Variants in RAB1B observed in about 807,000 individuals in gnomAD.
RAB1B encodes the protein ras-related protein Rab-1B.
In RAB1B, 10 loss-of-function variants were observed where a neutral mutation model predicts 24.8. That is an observed-to-expected ratio of 0.40 (90% CI 0.25 to 0.68). The LOEUF (loss-of-function observed/expected upper bound fraction) is 0.68, where lower values mean the gene tolerates loss of function less well. Among genes scored for constraint, RAB1B ranks in the 30% least tolerant of loss-of-function variants. RAB1B has a pLI of 0.37. For synonymous variants in RAB1B, 99 were observed against 111.7 expected, an observed-to-expected ratio of 0.89 and a Z score of 0.72; for missense variants, 154 against 271.2, an observed-to-expected ratio of 0.57 and a Z score of 3.04.
chr11:66,269,976 G>A (rs1473233502), intron 1 of RAB1B: 2 of 152,072 alleles, frequency 1.3e-5, no homozygotes, highest in Non-Finnish European at 2.9e-5. Flanking sequence ...TTGGGCTGAA[G>A]CAGTCCTCCT....
chr11:66,273,471 C>T (rs1368682757), intron 4 of RAB1B, among the ~76,000 whole-genome samples: 2 of 152,228 alleles, frequency 1.3e-5, no homozygotes, highest in Admixed American at 1.3e-4. Flanking sequence ...TGGACCATCC[C>T]CCGCTCCTCA....
At chr11:66,271,662 C>A (rs1337006185) in intron 1 of RAB1B, 135 bp from the exon 2 acceptor site, 2 of 629,778 alleles carry the variant, frequency 3.2e-6, no homozygotes, top group Admixed American at 5.0e-5. Context: ...CAGAGTGAGA[C>A]CTTATTGCTA....
Position 66,272,099 on chromosome 11 carries a change from C to T in RAB1B, c.88-58C>T, listed in dbSNP as rs1297219182. The T allele has an allele frequency of 4.6e-6, 6 of 1,303,718 alleles. No homozygotes were observed. The East Asian group carries it at 6.9e-5, about 15-fold the overall frequency. The allele number at this position is 1,303,718 out of a possible 1,614,324, so 80.8% of individuals were successfully genotyped here. On this transcript the variant is annotated intron_variant, in intron 2 of 5. Coordinates refer to ENST00000311481, the MANE Select transcript of RAB1B (RefSeq NM_030981.3). ...TGGGGCAGGGAACTGGAGGGAGGCT[C>T]TCCAAGTGGGCCTCACCTCATTAAC...
chr11:66,276,343 T>A lies in RAB1B; in HGVS notation c.*105T>A. The A allele has an allele frequency of 8.5e-7, 1 of 1,179,290 alleles. No individual in the cohort carries two copies. The highest frequency in any genetic ancestry group is 1.2e-6 in the Non-Finnish European group (1 of 867,488). 73.1% of individuals were successfully genotyped at this position (1,179,290 alleles called of 1,614,324 possible). On this transcript the variant is annotated 3_prime_UTR_variant, in exon 6 of 6. Coordinates refer to ENST00000311481, the MANE Select transcript of RAB1B (RefSeq NM_030981.3). ...CCCTCTCCTGGGGCATTTGAGTCTG[T>A]GGCTTTGGGGTGTCCTGGGCTCCCC...
intron 1 of RAB1B, among the ~76,000 whole-genome samples, chr11:66,269,038 C>T (rs1857002884): frequency 6.6e-6 from 1 of 152,058 alleles, no homozygotes; most frequent in African/African-American, 2.4e-5. Context: ...TGACAACTGT[C>T]CCGGAGTTTT....
intron 4 of RAB1B, among the ~76,000 whole-genome samples, chr11:66,272,753 G>A (rs1857081749): frequency 6.6e-6 from 1 of 152,108 alleles, no homozygotes; most frequent in Non-Finnish European, 1.5e-5. Flanking sequence ...CCTTATTGTA[G>A]ACCTTCTGGG....
chr11:66,268,766 G>A (rs1434364194), intron 1 of RAB1B, 73 bp downstream of exon 1: 3 of 1,474,970 alleles, frequency 2.0e-6, no homozygotes, highest in Non-Finnish European at 2.7e-6. Flanking sequence ...TACCGGGGTT[G>A]TCTGGCCCGG....
chr11:66,270,237 TTGTTGTTGTTGTTG>T (rs1857033284), intron 1 of RAB1B: 1 of 346 alleles, frequency 2.9e-3, no homozygotes, highest in Non-Finnish European at 7.7e-3. Context: ...CAGGTTTTTG[TTGTTGTTGTTGTTG>T]TTGTTGTTGT....
chr11:66,273,898 A>G (rs1238502163), intron 4 of RAB1B, among the ~76,000 whole-genome samples: 2 of 152,182 alleles, frequency 1.3e-5, no homozygotes, highest in Admixed American at 1.3e-4. Context: ...ACCCTCAAGC[A>G]GCCTCTGCAG....
At position 66,276,406 on chromosome 11, in the gene RAB1B, C is replaced by T. The variant is rs1247763194; in HGVS notation, c.*168C>T. ...CCCATCTGCCTGCTGCCCTGAGCCCCGGTTCTGTCAGGGTCCCTAAGGGAG... is the reference window on the plus strand; with the variant it reads ...CCCATCTGCCTGCTGCCCTGAGCCCTGGTTCTGTCAGGGTCCCTAAGGGAG... On this transcript the variant is annotated 3_prime_UTR_variant, in exon 6 of 6. Transcript: ENST00000311481. 16 of 677,994 alleles carry T rather than the reference C, an allele frequency of 2.4e-5. No individual in the cohort carries two copies. The highest frequency in any genetic ancestry group is 9.2e-5 in the African/African-American group (5 of 54,178). The allele number at this position is 677,994 out of a possible 1,614,324, so 42.0% of individuals were successfully genotyped here.
At chr11:66,270,382 A>G (rs748512176) in intron 1 of RAB1B, 1 of 152,196 alleles carries the variant, frequency 6.6e-6, no homozygotes, top group Non-Finnish European at 1.5e-5. Context: ...GATCGAGACC[A>G]TCCTGGCCAA....
intron 1 of RAB1B, chr11:66,270,000 G>A (rs1485907504): frequency 4.6e-5 from 7 of 151,970 alleles, no homozygotes. Flanking sequence ...TTGTCCTCCT[G>A]AGTAGCTGGG....
chr11:66,274,873 A>G (rs909262905), intron 4 of RAB1B, among the ~76,000 whole-genome samples: 7 of 149,418 alleles, frequency 4.7e-5, no homozygotes, highest in Non-Finnish European at 1.0e-4. Flanking sequence ...GACCTGGCAC[A>G]TGCTGGCTCC....
intron 1 of RAB1B, among the ~76,000 whole-genome samples, chr11:66,269,055 C>T (rs1857003922): frequency 6.6e-6 from 1 of 152,126 alleles, no homozygotes; most frequent in African/African-American, 2.4e-5. Flanking sequence ...TTTTGGAGCC[C>T]GTCTTGATAG....
intron 1 of RAB1B, among the ~76,000 whole-genome samples, 154 bp downstream of exon 1, chr11:66,268,847 C>T (rs1228374708): frequency 2.7e-5 from 3 of 111,282 alleles, no homozygotes; most frequent in Non-Finnish European, 3.7e-5. Context: ...CGGGTTCTGC[C>T]CCTCCCCCCA....
intron 4 of RAB1B, 81 bp from the exon 5 acceptor site, chr11:66,275,723 C>G: frequency 6.8e-7 from 1 of 1,462,792 alleles, no homozygotes; most frequent in Non-Finnish European, 9.2e-7. Context: ...TGTACTGTTC[C>G]CCTCAGAGAA....
intron 1 of RAB1B, chr11:66,271,367 A>C (rs1160803956): frequency 6.3e-6 from 1 of 157,890 alleles, no homozygotes; most frequent in Non-Finnish European, 1.4e-5. Context: ...AGGTGCCTGT[A>C]ATCCCAGCTA....
At chr11:66,274,249 A>T (rs1333135938) in intron 4 of RAB1B, among the ~76,000 whole-genome samples, 1 of 152,118 alleles carries the variant, frequency 6.6e-6, no homozygotes, top group Non-Finnish European at 1.5e-5. Flanking sequence ...CATCTTTCTG[A>T]AATCTGTCCC....
intron 1 of RAB1B, chr11:66,270,568 C>G (rs1195726624): frequency 6.6e-6 from 1 of 152,218 alleles, no homozygotes; most frequent in East Asian, 1.9e-4. Flanking sequence ...GAGAGCGAGA[C>G]TCTGTCTCGA....
Sources: allele counts gnomAD v4.1 joint callset (sites outside exome capture counted in the v4.1 genomes callset), GRCh38; gene constraint gnomAD v4.1.1; transcripts MANE v1.5; gene names NCBI Gene and HGNC (gene_info 2026-07-23, HGNC 2026-07-21).